ZNF473: variants seen among roughly 807,000 people sequenced by gnomAD.
The protein encoded by ZNF473 is zinc finger protein 100 homolog.
In ZNF473, 4 loss-of-function variants were observed where a neutral mutation model predicts 11.1. The ratio of observed to expected loss-of-function variants is 0.36; its 90% CI spans 0.18 to 0.82. ZNF473 has a LOEUF of 0.82. Among genes scored for constraint, ZNF473 ranks in the 40% least tolerant of loss-of-function variants. ZNF473 has a pLI of 0.49. For synonymous variants in ZNF473, 404 were observed against 390.4 expected (o/e 1.03, Z -0.41); for missense variants, 854 against 1,084.0 (o/e 0.79, Z 2.98).
At chr19:50,034,358 C>T (rs2077334003) in intron 2 of ZNF473, among the ~76,000 whole-genome samples, 1 of 152,188 alleles carries the variant, frequency 6.6e-6, no homozygotes, top group African/African-American at 2.4e-5. Flanking sequence ...TGTCTTTTCC[C>T]ACGAAGCAGC....
In ZNF473 at chr19:50,039,093, C is replaced by T; in HGVS notation, c.10-68C>T. The T allele has an allele frequency of 6.3e-7, 1 of 1,594,358 alleles. No individual in the cohort carries two copies. On this transcript the variant is annotated intron_variant, in intron 2 of 4. Transcript: ENST00000270617. This position sits in a 1 kb window ranked among gnomAD's most constrained non-coding sequence, Gnocchi z 4.8. ...CTGGCAGATTGAGGGCTGGGAGTGC[C>T]CTGAGTGAGCTGTTGGGCTCCTCCC...
Position 50,046,026 on chromosome 19 carries a change from C to T in ZNF473, c.1583C>T (p.Ser528Leu). 1 of 1,614,200 alleles carries T rather than the reference C, an allele frequency of 6.2e-7. No individual in the cohort carries two copies. Among genetic ancestry groups the T allele is most frequent in the Non-Finnish European group, 8.5e-7 (1 of 1,180,032 alleles). The change falls in exon 5 of 5, where the codon TCA becomes TTA. Residue 528 changes from serine (S) to leucine (L), a missense_variant. Around this residue, in one of 2 missense-constraint regions of ZNF473, gnomAD observed 668 missense variants for 790.2 expected, o/e 0.85. Transcript: ENST00000270617. This position sits in a 1 kb window ranked among gnomAD's most constrained non-coding sequence, Gnocchi z 5.9. ...QECGERFICG[S>L]TLKCHESVHA... is the part of the protein sequence containing the mutation. ...TGCGGAGAACGCTTCATTTGCGGCTCAACCCTGAAGTGCCACGAGAGTGTT... is the reference window on the plus strand; with the variant it reads ...TGCGGAGAACGCTTCATTTGCGGCTTAACCCTGAAGTGCCACGAGAGTGTT...
intron 1 of ZNF473, among the ~76,000 whole-genome samples, chr19:50,028,738 C>T (rs773221299): frequency 6.6e-6 from 1 of 152,052 alleles, no homozygotes; most frequent in African/African-American, 2.4e-5. Flanking sequence ...GGTGAAATTT[C>T]CCAATTTTCA....
intron 1 of ZNF473, among the ~76,000 whole-genome samples, chr19:50,027,971 G>T (rs2077295977): frequency 6.6e-6 from 1 of 152,052 alleles, no homozygotes; most frequent in Admixed American, 6.5e-5. Flanking sequence ...TGGCAGGCAT[G>T]AGCCACTGCA....
rs1323947353 is a variant in ZNF473 at position 50,045,859 on chromosome 19, A to G, written c.1416A>G (p.Ser472=). ...QECVRSFSRP[S]HLMRHQAIHT... ...GCGTCAGGAGTTTCAGCCGGCCCTC[A>G]CATCTGATGCGACATCAGGCCATTC... The change falls in exon 5 of 5, where the codon TCA becomes TCG. Residue 472 remains serine (S), a synonymous_variant. Coordinates refer to ENST00000270617, the MANE Select transcript of ZNF473 (RefSeq NM_015428.4). 1.2e-6 allele frequency: 2 copies of G among 1,614,024 alleles called. No individual in the cohort carries two copies. Among genetic ancestry groups the G allele is most frequent in the Non-Finnish European group, 1.7e-6 (2 of 1,180,032 alleles).
Position 50,045,879 on chromosome 19 carries a change from C to T in ZNF473, c.1436C>T (p.Ala479Val), listed in dbSNP as rs1250532980. The T allele has an allele frequency of 6.2e-7, 1 of 1,614,096 alleles. No individual in the cohort carries two copies. The highest frequency in any genetic ancestry group is 8.5e-7 in the Non-Finnish European group (1 of 1,180,014). Residue 479 changes from alanine to valine, a missense_variant, in exon 5 of 5, where the codon GCC becomes GTC. Coordinates refer to ENST00000270617, the MANE Select transcript of ZNF473 (RefSeq NM_015428.4). ...CCCTCACATCTGATGCGACATCAGG[C>T]CATTCACACCGCAGAAAAGCCCTAT... ...SRPSHLMRHQ[A>V]IHTAEKPYSC...
At chr19:50,033,007 T>G (rs1411825021) in intron 2 of ZNF473, among the ~76,000 whole-genome samples, 2 of 152,188 alleles carry the variant, frequency 1.3e-5, no homozygotes, top group African/African-American at 4.8e-5. Flanking sequence ...CTTGATCACC[T>G]CTGTAAAGAC....
chr19:50,046,223 G>T lies in ZNF473; in HGVS notation c.1780G>T (p.Asp594Tyr), dbSNP rs1457919815. The change falls in exon 5 of 5, where the codon GAC becomes TAC. Residue 594 changes from aspartate to tyrosine, a missense_variant. Transcript: ENST00000270617. The surrounding 1 kb of genome is among the most constrained non-coding windows in gnomAD (Gnocchi z 5.9). Reference sequence around the variant, plus strand: ...CAGGGGAGTGAAGCCCTTTGAATGTGACCAGTGTGGGAAAGCCTTTGGCCA... The same window carrying T: ...CAGGGGAGTGAAGCCCTTTGAATGTTACCAGTGTGGGAAAGCCTTTGGCCA... ...HTRGVKPFEC[D>Y]QCGKAFGQST... 2 of 1,614,018 alleles carry T rather than the reference G, an allele frequency of 1.2e-6. No individual in the cohort carries two copies. The highest frequency in any genetic ancestry group is 1.7e-6 in the Non-Finnish European group (2 of 1,180,052).
intron 3 of ZNF473, chr19:50,041,451 C>T (rs978002007): frequency 4.0e-5 from 10 of 252,246 alleles, no homozygotes; most frequent in Non-Finnish European, 6.9e-5. Context: ...GCAGATCCTG[C>T]CCATTAAAGA....
intron 2 of ZNF473, among the ~76,000 whole-genome samples, chr19:50,036,734 C>T (rs1489027253): frequency 6.6e-6 from 1 of 152,064 alleles, no homozygotes; most frequent in Non-Finnish European, 1.5e-5. Context: ...TTGTAAAAGC[C>T]AGCTTGACAT....
In ZNF473 at chr19:50,039,727, G is replaced by C. The variant is rs1016540354; in HGVS notation, c.136+440G>C. ...CAGTTGCCCTCCCCTCTGCCTAAGC[G>C]GCTCTCAGGGCTTACATTTTTAAAG... On this transcript the variant is annotated intron_variant, in intron 3 of 4. Coordinates refer to ENST00000270617, the MANE Select transcript of ZNF473 (RefSeq NM_015428.4). This position sits in a 1 kb window ranked among gnomAD's most constrained non-coding sequence, Gnocchi z 4.8. Among the ~76,000 whole-genome samples the C allele has an allele frequency of 6.6e-6, 1 of 152,198 alleles. No homozygotes were observed.
chr19:50,029,123 G>A (rs1001034726), intron 1 of ZNF473, among the ~76,000 whole-genome samples: 4 of 152,150 alleles, frequency 2.6e-5, no homozygotes, highest in African/African-American at 9.7e-5. Flanking sequence ...TCCACACTGC[G>A]CTGGGACTTT....
chr19:50,034,015 C>T (rs761566072), intron 2 of ZNF473, among the ~76,000 whole-genome samples: 6 of 152,126 alleles, frequency 3.9e-5, no homozygotes, highest in East Asian at 1.9e-4. Context: ...TGTGGGGTGG[C>T]GGCATTATTC....
chr19:50,037,281 G>C (rs1049187672), intron 2 of ZNF473, among the ~76,000 whole-genome samples: 4 of 152,090 alleles, frequency 2.6e-5, no homozygotes, highest in African/African-American at 9.7e-5. Context: ...CAGGAATTGG[G>C]GTCACAAGAG....
chr19:50,032,747 C>T (rs576158854), intron 2 of ZNF473, among the ~76,000 whole-genome samples: 179 of 152,258 alleles, frequency 1.2e-3, no homozygotes, highest in Non-Finnish European at 2.3e-3. Context: ...AGGGTGTTGG[C>T]AGGGCTGGAT....
In ZNF473 at chr19:50,039,068, C is replaced by G. The variant is rs1978625864; in HGVS notation, c.10-93C>G. ...GGATGGGATGGTTTTTGCCAAAGCC[C>G]TGGCAGATTGAGGGCTGGGAGTGCC... On this transcript the variant is annotated intron_variant, in intron 2 of 4. Coordinates refer to ENST00000270617, the MANE Select transcript of ZNF473 (RefSeq NM_015428.4). This position sits in a 1 kb window ranked among gnomAD's most constrained non-coding sequence, Gnocchi z 4.8. The G allele has an allele frequency of 6.5e-7, 1 of 1,534,918 alleles. No homozygotes were observed. Among genetic ancestry groups the G allele is most frequent in the Admixed American group, 1.8e-5 (1 of 56,074 alleles).
intron 2 of ZNF473, among the ~76,000 whole-genome samples, chr19:50,038,747 C>G (rs1364590691): frequency 1.3e-5 from 2 of 152,164 alleles, no homozygotes; most frequent in Non-Finnish European, 2.9e-5. Context: ...AGTTACTGTT[C>G]ATACTGAAGT....
intron 2 of ZNF473, among the ~76,000 whole-genome samples, chr19:50,033,777 G>T (rs544848342): frequency 6.6e-6 from 1 of 152,022 alleles, no homozygotes; most frequent in Non-Finnish European, 1.5e-5. Flanking sequence ...ATATTCATTG[G>T]CTCCTGGCCG....
At chr19:50,038,776 A>G (rs1978610024) in intron 2 of ZNF473, among the ~76,000 whole-genome samples, 1 of 152,224 alleles carries the variant, frequency 6.6e-6, no homozygotes, top group Non-Finnish European at 1.5e-5. Flanking sequence ...GTGAAATCAG[A>G]TGACCCCTGG....
Sources: allele counts gnomAD v4.1 joint callset (sites outside exome capture counted in the v4.1 genomes callset), GRCh38; gene constraint gnomAD v4.1.1; regional missense constraint gnomAD v4.1.1; non-coding constraint Gnocchi (gnomAD v3.1); transcripts MANE v1.5; gene names NCBI Gene and HGNC (gene_info 2026-07-23, HGNC 2026-07-21).